Variants in SSC5D observed in about 807,000 individuals in gnomAD.
SSC5D encodes the protein scavenger receptor cysteine rich family member with 5 domains.
A neutral mutation model predicts 104.6 loss-of-function variants in SSC5D; 106 were observed. The observed-to-expected ratio is 1.01, with a 90% confidence interval of 0.87 to 1.19. The LOEUF is 1.19. Among genes scored for constraint, SSC5D ranks in the 50% most tolerant of loss-of-function variants. SSC5D has a pLI of 0.00. For synonymous variants in SSC5D, 860 were observed against 883.5 expected, an observed-to-expected ratio of 0.97 and a Z score of 0.47; for missense variants, 1,993 against 2,153.8, an observed-to-expected ratio of 0.93 and a Z score of 1.48.
intron 2 of SSC5D, 71 bp downstream of exon 2, chr19:55,489,103 G>T: frequency 1.0e-6 from 1 of 975,506 alleles, no homozygotes; most frequent in Non-Finnish European, 1.4e-6. Flanking sequence ...ATCCAGGCCT[G>T]GCCTCACCCC....
chr19:55,507,841 A>G lies in SSC5D; in HGVS notation c.2786-5170A>G, dbSNP rs144795325. Among the ~76,000 whole-genome samples the G allele has an allele frequency of 7.9e-3, 1,193 of 151,910 alleles. 9 individuals are homozygous for G. The highest frequency in any genetic ancestry group is 0.027 in the South Asian group (128 of 4,800). On this transcript the variant is annotated intron_variant, in intron 12 of 13. Transcript: ENST00000389623. Reference sequence around the variant, plus strand: ...GGTGGAAACGGTGGCAGCGGGGGAGATGGGGAATGGACTGTAGGGGCCAGC... The same window carrying G: ...GGTGGAAACGGTGGCAGCGGGGGAGGTGGGGAATGGACTGTAGGGGCCAGC...
chr19:55,500,224 C>A lies in SSC5D; in HGVS notation c.2114C>A (p.Pro705His). The change falls in exon 10 of 14, where the codon CCC becomes CAC. Residue 705 changes from proline to histidine, a missense_variant. Transcript: ENST00000389623. The surrounding 1 kb of genome is among the most constrained non-coding windows in gnomAD (Gnocchi z 4.6). ...ACTGCCACGCTGACCCCTCAGGCCCCCCGAGAACGGACCACTAAGACCATG... is the reference window on the plus strand; with the variant it reads ...ACTGCCACGCTGACCCCTCAGGCCCACCGAGAACGGACCACTAAGACCATG... ...HTTATLTPQAPRERTTKTMAM... is the reference protein window; with the variant it reads ...HTTATLTPQAHRERTTKTMAM... 2.6e-6 allele frequency: 4 copies of A among 1,551,414 alleles called. No individual in the cohort carries two copies. In the South Asian group the frequency reaches 4.8e-5, roughly 18 times the overall value.
chr19:55,499,718 G>A, intron 9 of SSC5D, 98 bp from the exon 10 acceptor site: 1 of 902,084 alleles, frequency 1.1e-6, no homozygotes, highest in Non-Finnish European at 1.7e-6. Context: ...TGAATGAATG[G>A]GAACTGGGTG....
At chr19:55,498,730 G>C (rs764561248) in intron 9 of SSC5D, among the ~76,000 whole-genome samples, 4 of 152,206 alleles carry the variant, frequency 2.6e-5, no homozygotes, top group Non-Finnish European at 5.9e-5. Context: ...AGCTCATGTA[G>C]AGAAATACTC....
rs557958267 is a variant in SSC5D, at chr19:55,503,356, T to C, written c.2785+2155T>C. ...TATATCACCTCATACTCTCATCGTC[T>C]CCATTTCTCACTGCGTTCTCTCCCC... On this transcript the variant is annotated intron_variant, in intron 12 of 13. Transcript: ENST00000389623. The surrounding 1 kb of genome is among the most constrained non-coding windows in gnomAD (Gnocchi z 4.0). 6.6e-6 allele frequency among the ~76,000 whole-genome samples: 1 copy of C among 152,254 alleles called. No individual in the cohort carries two copies. The highest frequency in any genetic ancestry group is 2.1e-4 in the South Asian group (1 of 4,820).
chr19:55,493,456 C>A, intron 6 of SSC5D, 139 bp from the exon 7 acceptor site: 1 of 787,642 alleles, frequency 1.3e-6, no homozygotes, highest in South Asian at 2.3e-5. Context: ...TGTCTTGGAA[C>A]CTTTTCCTCA....
rs1987964497 is a variant in SSC5D, at chr19:55,519,046, C to CA, written c.*53dup. 5 of 1,494,938 alleles carry CA rather than the reference C, an allele frequency of 3.3e-6. No homozygotes were observed. The highest frequency in any genetic ancestry group is 4.5e-6 in the Non-Finnish European group (5 of 1,120,514). The allele number at this position is 1,494,938 out of a possible 1,614,324, so 92.6% of individuals were successfully genotyped here. On this transcript the variant is annotated 3_prime_UTR_variant, in exon 14 of 14. Coordinates refer to ENST00000389623, the MANE Select transcript of SSC5D (RefSeq NM_001144950.2). ...TTAAGACACCCCCAACCAAAAAAAA[C>CA]AAAAACAAAAAAAACCCCCAAAGTA... is the stretch of plus-strand genomic sequence containing the variant.
chr19:55,493,948 GTGGTGGTGCTTGGAGCGGA>G, intron 7 of SSC5D, 36 bp downstream of exon 7: 1 of 1,428,646 alleles, frequency 7.0e-7, no homozygotes, highest in Non-Finnish European at 9.3e-7. Flanking sequence ...GGAGGTGGGC[GTGGTGGTGCTTGGAGCGGA>G]GGGGCAAGTT....
intron 12 of SSC5D, among the ~76,000 whole-genome samples, chr19:55,511,744 G>C (rs1180332913): frequency 1.3e-5 from 2 of 152,084 alleles, no homozygotes; most frequent in Non-Finnish European, 2.9e-5. Flanking sequence ...GGCAGGGGCT[G>C]GTTATGAAGG....
rs561318873 is a variant in SSC5D, at chr19:55,489,587, C to G, written c.286C>G (p.Leu96Val). 1 of 1,523,848 alleles carries G rather than the reference C, an allele frequency of 6.6e-7. No homozygotes were observed. Among genetic ancestry groups the G allele is most frequent in the East Asian group, 2.5e-5 (1 of 40,702 alleles). The allele number at this position is 1,523,848 out of a possible 1,614,324, so 94.4% of individuals were successfully genotyped here. A position where few individuals can be genotyped will look rare whatever the true frequency, so the allele number is the denominator to read the frequency against. Residue 96 changes from leucine (L) to valine (V), a missense_variant, in exon 3 of 14, where the codon CTG becomes GTG. By Grantham distance (32) the Leu-to-Val change is conservative (BLOSUM62 1). Transcript: ENST00000389623. ...GGCTTGCCGGGGCAACGAGGGGCAG[C>G]TGGGCCTCTGCCACCACCGGGGCTG... ...ELACRGNEGQLGLCHHRGWKA... is the reference protein window; with the variant it reads ...ELACRGNEGQVGLCHHRGWKA...
chr19:55,498,030 C>T lies in SSC5D; in HGVS notation c.1538C>T (p.Pro513Leu), dbSNP rs1297958319. Residue 513 changes from proline to leucine, a missense_variant, in exon 9 of 14, where the codon CCT becomes CTT. Coordinates refer to ENST00000389623, the MANE Select transcript of SSC5D (RefSeq NM_001144950.2). ...TGCCGGGAGCTGGGCTGTGGTGGACCTCAGCAGCCAGACCCTGCTGCTGGC... is the reference window on the plus strand; with the variant it reads ...TGCCGGGAGCTGGGCTGTGGTGGACTTCAGCAGCCAGACCCTGCTGCTGGC... ...VVCRELGCGGPQQPDPAAGRF... is the reference protein window; with the variant it reads ...VVCRELGCGGLQQPDPAAGRF... 4 of 1,551,632 alleles carry T rather than the reference C, an allele frequency of 2.6e-6. No individual in the cohort carries two copies. The highest frequency in any genetic ancestry group is 3.5e-6 in the Non-Finnish European group (4 of 1,147,020).
intron 12 of SSC5D, among the ~76,000 whole-genome samples, chr19:55,502,752 C>T (rs1220396817): frequency 2.0e-5 from 3 of 151,986 alleles, no homozygotes; most frequent in Non-Finnish European, 2.9e-5. Flanking sequence ...AACTCCCAGG[C>T]TCAGGTGATC....
intron 12 of SSC5D, among the ~76,000 whole-genome samples, chr19:55,506,437 C>T (rs190654808): frequency 0.012 from 1,440 of 117,538 alleles, 23 homozygotes; most frequent in African/African-American, 0.044. Context: ...CTCTGTCGCC[C>T]AGGCTGGAGT....
At chr19:55,516,860 A>G (rs1470910615) in intron 13 of SSC5D, among the ~76,000 whole-genome samples, 2 of 151,618 alleles carry the variant, frequency 1.3e-5, no homozygotes, top group Admixed American at 6.6e-5. Context: ...CCGCTGGCTC[A>G]GAATCCTCCC....
chr19:55,491,084 C>G lies in SSC5D; in HGVS notation c.895+4C>G. 1.9e-6 allele frequency: 3 copies of G among 1,546,682 alleles called. No individual in the cohort carries two copies. Among genetic ancestry groups the G allele is most frequent in the South Asian group, 2.4e-5 (2 of 83,752 alleles). On this transcript the variant is annotated splice_donor_region_variant and intron_variant, in intron 6 of 13. Transcript: ENST00000389623. ...GATGCGGGGCTGGTCTGCACCGGTA[C>G]GTCGGGCTGGGGCCTGGCCCCCTCC...
At position 55,501,194 on chromosome 19, in the gene SSC5D, G is replaced by A. The variant is rs1325654179; in HGVS notation, c.2778G>A (p.Pro926=). The change falls in exon 12 of 14, where the codon CCG becomes CCA. Residue 926 remains proline (P), a synonymous_variant. Coordinates refer to ENST00000389623, the MANE Select transcript of SSC5D (RefSeq NM_001144950.2). ...GSSSPAIRRL[P]DTGSKDGYKL... ...CCTCCCCAGCAATAAGGCGCCTGCCGGACACAGGTGAGAGGCCTGATTGGG... is the reference window on the plus strand; with the variant it reads ...CCTCCCCAGCAATAAGGCGCCTGCCAGACACAGGTGAGAGGCCTGATTGGG... 18 of 1,527,912 alleles carry A rather than the reference G, an allele frequency of 1.2e-5. No individual in the cohort carries two copies. The highest frequency in any genetic ancestry group is 4.2e-5 in the African/African-American group (3 of 72,098). The allele number at this position is 1,527,912 out of a possible 1,614,324, so 94.6% of individuals were successfully genotyped here. A position where few individuals can be genotyped will look rare whatever the true frequency, so the allele number is the denominator to read the frequency against.
At chr19:55,498,234 G>A (rs908016857) in intron 9 of SSC5D, 37 bp downstream of exon 9, 1 of 1,540,346 alleles carries the variant, frequency 6.5e-7, no homozygotes, top group Admixed American at 2.0e-5. Flanking sequence ...CTCCAGGAGG[G>A]CTTCCTGGAG....
chr19:55,517,709 C>T lies in SSC5D; in HGVS notation c.3433C>T (p.Pro1145Ser). ...CTCAGAATATTCTAGATCCCCAGAC[C>T]CCTCCCCAAGCCCTCACCCCACTAC... is the stretch of plus-strand genomic sequence containing the variant. Reference protein sequence around the residue: ...TVSEYSRSPDPSPSPHPTTTP... With the variant: ...TVSEYSRSPDSSPSPHPTTTP... Residue 1145 changes from proline (P) to serine (S), a missense_variant, in exon 14 of 14, where the codon CCC (proline) becomes TCC (serine). Coordinates refer to ENST00000389623, the MANE Select transcript of SSC5D (RefSeq NM_001144950.2). 6.4e-7 allele frequency: 1 copy of T among 1,551,142 alleles called. No homozygotes were observed. Among genetic ancestry groups the T allele is most frequent in the Middle Eastern group, 1.7e-4 (1 of 5,992 alleles).
intron 13 of SSC5D, 148 bp downstream of exon 13, chr19:55,513,320 G>A (rs1031898683): frequency 1.1e-6 from 1 of 878,994 alleles, no homozygotes; most frequent in Non-Finnish European, 1.6e-6. Context: ...TGAGCATGGT[G>A]GCTCATGCCT....
Sources: gnomAD v4.1 joint callset for allele counts (sites outside exome capture counted in the v4.1 genomes callset) on GRCh38, gnomAD v4.1.1 for gene constraint, Gnocchi (gnomAD v3.1) non-coding constraint, MANE v1.5 for transcripts, NCBI Gene and HGNC (gene_info 2026-07-23, HGNC 2026-07-21) for gene names.